GPHB5: variants seen among roughly 807,000 people sequenced by gnomAD.
GPHB5 encodes the protein glycoprotein hormone beta-5.
A neutral mutation model predicts 10.1 loss-of-function variants in GPHB5; 7 were observed. That is an observed-to-expected ratio of 0.69 (90% CI 0.39 to 1.30). The LOEUF is 1.30. Among genes scored for constraint, GPHB5 ranks in the 50% most tolerant of loss-of-function variants. The pLI is 0.01. For synonymous variants in GPHB5, 68 were observed against 70.1 expected (o/e 0.97, Z 0.15); for missense variants, 161 against 169.8 (o/e 0.95, Z 0.29).
At chr14:63,317,592 G>A in intron 2 of GPHB5, 54 bp downstream of exon 2, 9 of 1,544,664 alleles carry the variant, frequency 5.8e-6, no homozygotes, top group Non-Finnish European at 8.0e-6. Context: ...TTAAGAATCA[G>A]ACCCAAGCTG....
chr14:63,316,312 A>G (rs1415643832), intron 2 of GPHB5, among the ~76,000 whole-genome samples: 1 of 152,162 alleles, frequency 6.6e-6, no homozygotes. Context: ...ATTTTTCCCA[A>G]TGGCAGTGTC....
rs1882713213 is a variant in GPHB5, at chr14:63,313,611, AC to A, written c.205-496del. ...TTCTGAAATGCCTGCAACCATTCCC[AC>A]CTCACTGACTTCCTCACTAGGCTCA... On this transcript the variant is annotated intron_variant, in intron 2 of 2. Transcript: ENST00000621500. 3.3e-5 allele frequency among the ~76,000 whole-genome samples: 5 copies of A among 151,884 alleles called. No individual in the cohort carries two copies. In the South Asian group the frequency reaches 1.0e-3, roughly 32 times the overall value.
chr14:63,314,804 C>T (rs936225678), intron 2 of GPHB5, among the ~76,000 whole-genome samples: 4 of 151,468 alleles, frequency 2.6e-5, no homozygotes, highest in African/African-American at 4.9e-5. Context: ...TTTGGTTCTT[C>T]TTTGTTCTAG....
At chr14:63,316,069 C>A (rs1882765000) in intron 2 of GPHB5, among the ~76,000 whole-genome samples, 1 of 152,210 alleles carries the variant, frequency 6.6e-6, no homozygotes. Flanking sequence ...GAGGAGGTGC[C>A]AAGTGCCCCA....
intron 1 of GPHB5, among the ~76,000 whole-genome samples, chr14:63,318,159 C>G (rs1239490139): frequency 1.3e-5 from 2 of 152,120 alleles, no homozygotes; most frequent in African/African-American, 4.8e-5. Flanking sequence ...AGTGGTCTTT[C>G]CAAAATAAAC....
At chr14:63,317,992 A>G (rs1882803603) in intron 1 of GPHB5, 142 bp from the exon 2 acceptor site, 1 of 692,868 alleles carries the variant, frequency 1.4e-6, no homozygotes, top group South Asian at 1.9e-5. Context: ...GTAAATGCCC[A>G]CAAACTCCAA....
Position 63,312,900 on chromosome 14 carries a change from G to T in GPHB5, c.*28C>A. Reference sequence around the variant, plus strand: ...ATAACTGCATGTGCTGCTCACACAGGTGGGTCTGCAGAGAGCAGCTAGCGG... The same window carrying T: ...ATAACTGCATGTGCTGCTCACACAGTTGGGTCTGCAGAGAGCAGCTAGCGG... On this transcript the variant is annotated 3_prime_UTR_variant, in exon 3 of 3. Transcript: ENST00000621500. 1 of 1,541,448 alleles carries T rather than the reference G, an allele frequency of 6.5e-7. No homozygotes were observed. Among genetic ancestry groups the T allele is most frequent in the Non-Finnish European group, 8.8e-7 (1 of 1,140,348 alleles).
intron 2 of GPHB5, among the ~76,000 whole-genome samples, chr14:63,313,856 C>A (rs1038313885): frequency 6.6e-6 from 1 of 152,134 alleles, no homozygotes; most frequent in African/African-American, 2.4e-5. Context: ...AACTTCCCAT[C>A]CCCCATCTTG....
intron 2 of GPHB5, among the ~76,000 whole-genome samples, chr14:63,317,384 T>G (rs1882788856): frequency 6.6e-6 from 1 of 152,158 alleles, no homozygotes; most frequent in Non-Finnish European, 1.5e-5. Flanking sequence ...CATCTTGACC[T>G]CCCAGAGATG....
intron 2 of GPHB5, among the ~76,000 whole-genome samples, chr14:63,314,908 T>A (rs935405121): frequency 3.7e-5 from 3 of 80,054 alleles, no homozygotes; most frequent in African/African-American, 2.0e-4. Flanking sequence ...CTTTTTTCTT[T>A]TTTTTTTTTT....
intron 2 of GPHB5, among the ~76,000 whole-genome samples, chr14:63,314,704 G>A (rs1241193522): frequency 2.0e-5 from 3 of 151,918 alleles, no homozygotes; most frequent in Non-Finnish European, 4.4e-5. Flanking sequence ...GAGCCACCAC[G>A]CCCAGCCAAT....
Sources: gnomAD v4.1 joint callset for allele counts (sites outside exome capture counted in the v4.1 genomes callset) on GRCh38, gnomAD v4.1.1 for gene constraint, MANE v1.5 for transcripts, NCBI Gene and HGNC (gene_info 2026-07-23, HGNC 2026-07-21) for gene names.